Variants in TESMIN observed in about 807,000 individuals in gnomAD.
TESMIN encodes the protein CXC domain containing 2.
TESMIN carries 34 observed loss-of-function variants against 47.4 expected under a neutral mutation model. The ratio of observed to expected loss-of-function variants is 0.72; its 90% CI spans 0.55 to 0.96. The LOEUF (loss-of-function observed/expected upper bound fraction) is 0.96, where lower values mean the gene tolerates loss of function less well. Among genes scored for constraint, TESMIN ranks in the 40% least tolerant of loss-of-function variants. The pLI, the probability that TESMIN is intolerant of heterozygous loss-of-function variation, is 0.00. For synonymous variants in TESMIN, 278 were observed against 258.9 expected, an observed-to-expected ratio of 1.07 and a Z score of -0.71; for missense variants, 610 against 637.2, an observed-to-expected ratio of 0.96 and a Z score of 0.46.
At chr11:68,735,677 G>A (rs879591924) in intron 6 of TESMIN, among the ~76,000 whole-genome samples, 1 of 152,120 alleles carries the variant, frequency 6.6e-6, no homozygotes, top group Non-Finnish European at 1.5e-5. Context: ...GTGCCATATT[G>A]ACTGTAAATG....
intron 7 of TESMIN, among the ~76,000 whole-genome samples, chr11:68,714,994 A>G (rs1322464953): frequency 6.6e-6 from 1 of 152,240 alleles, no homozygotes; most frequent in Non-Finnish European, 1.5e-5. Flanking sequence ...CTTCTGTCCT[A>G]TGGCTCTGGC....
At chr11:68,708,758 CTT>C (rs33995694) in intron 9 of TESMIN, among the ~76,000 whole-genome samples, 2 of 145,898 alleles carry the variant, frequency 1.4e-5, no homozygotes, top group Non-Finnish European at 1.5e-5. Context: ...AAGTGAGACC[CTT>C]TTTTTTTTTT....
At chr11:68,741,707 T>C (rs947047671) in intron 5 of TESMIN, among the ~76,000 whole-genome samples, 1 of 152,208 alleles carries the variant, frequency 6.6e-6, no homozygotes, top group Non-Finnish European at 1.5e-5. Context: ...ATATGGCCTC[T>C]GCCCCTATGG....
At chr11:68,714,745 C>T (rs185464235) in intron 7 of TESMIN, among the ~76,000 whole-genome samples, 1 of 152,352 alleles carries the variant, frequency 6.6e-6, no homozygotes, top group Admixed American at 6.5e-5. Flanking sequence ...TCCCAGTGGA[C>T]ATTGGCGCTT....
Position 68,750,251 on chromosome 11 carries a change from A to ACCG in TESMIN, c.407_409dup (p.Ala136dup). On this transcript the variant is annotated inframe_insertion, in exon 2 of 10. Transcript: ENST00000255087. ...CAGGACCCAGGCGCCCAGGGGCAAC[A>ACCG]CCGCCGGGCTGCGGTGCGCGGGTAG... The ACCG allele has an allele frequency of 6.5e-7, 1 of 1,537,140 alleles. No individual in the cohort carries two copies. The highest frequency in any genetic ancestry group is 8.7e-7 in the Non-Finnish European group (1 of 1,152,104).
chr11:68,741,677 T>C (rs1272509283), intron 5 of TESMIN, among the ~76,000 whole-genome samples: 2 of 152,198 alleles, frequency 1.3e-5, no homozygotes, highest in Non-Finnish European at 2.9e-5. Flanking sequence ...ATTCTCATTT[T>C]ACAGAGATGA....
intron 4 of TESMIN, 59 bp from the exon 5 acceptor site, chr11:68,742,453 C>G: frequency 9.0e-7 from 1 of 1,116,618 alleles, no homozygotes; most frequent in Non-Finnish European, 1.3e-6. Flanking sequence ...TCCACTTACA[C>G]GTGGATGAAA....
rs1479510028 is a variant in TESMIN, at chr11:68,707,954, T to C, written c.*354A>G. 7 of 457,624 alleles carry C rather than the reference T, an allele frequency of 1.5e-5. No homozygotes were observed. Among genetic ancestry groups the C allele is most frequent in the African/African-American group, 1.4e-4 (7 of 50,710 alleles). 28.3% of individuals were successfully genotyped at this position (457,624 alleles called of 1,614,324 possible). ...AGAGGAAGAGTCGACCAGAGTGAGC[T>C]CTCCGCAGGGCCTGCTCTGCCCTCC... On this transcript the variant is annotated 3_prime_UTR_variant, in exon 10 of 10. Coordinates refer to ENST00000255087, the MANE Select transcript of TESMIN (RefSeq NM_004923.3).
intron 7 of TESMIN, among the ~76,000 whole-genome samples, chr11:68,713,811 T>C (rs1225540304): frequency 6.6e-6 from 1 of 152,212 alleles, no homozygotes; most frequent in Non-Finnish European, 1.5e-5. Context: ...ACACACCATG[T>C]GCCAGGCTTC....
chr11:68,731,621 G>T (rs1946328422), intron 6 of TESMIN, among the ~76,000 whole-genome samples: 1 of 152,182 alleles, frequency 6.6e-6, no homozygotes, highest in Non-Finnish European at 1.5e-5. Context: ...AAAGGTAAAA[G>T]AAATGGAAAG....
At chr11:68,744,230 A>C (rs1026610873) in intron 4 of TESMIN, among the ~76,000 whole-genome samples, 6 of 152,218 alleles carry the variant, frequency 3.9e-5, no homozygotes, top group Admixed American at 6.5e-5. Context: ...ATTAGTTTCA[A>C]GTTATAGGCA....
downstream of TESMIN, among the ~76,000 whole-genome samples, chr11:68,706,399 T>A (rs1231515809): frequency 1.3e-5 from 2 of 152,236 alleles, no homozygotes; most frequent in Non-Finnish European, 2.9e-5. Flanking sequence ...CGCAGGCTCC[T>A]GTGCAAAGTG....
At chr11:68,742,178 C>CT in intron 5 of TESMIN, 140 bp downstream of exon 5, 1 of 602,894 alleles carries the variant, frequency 1.7e-6, no homozygotes, top group Non-Finnish European at 2.9e-6. Flanking sequence ...GGGGCAGGGA[C>CT]TGAACACTTG....
intron 9 of TESMIN, 73 bp from the exon 10 acceptor site, chr11:68,708,573 C>G: frequency 7.0e-6 from 9 of 1,277,790 alleles, no homozygotes; most frequent in Non-Finnish European, 8.4e-6. Context: ...TTATATTCAA[C>G]AGAACATTGC....
At chr11:68,734,779 T>C (rs1434068817) in intron 6 of TESMIN, among the ~76,000 whole-genome samples, 1 of 152,224 alleles carries the variant, frequency 6.6e-6, no homozygotes, top group Non-Finnish European at 1.5e-5. Flanking sequence ...GGTTGGTAAC[T>C]AATACAAACG....
intron 5 of TESMIN, among the ~76,000 whole-genome samples, chr11:68,740,257 T>C (rs1463251444): frequency 6.6e-6 from 1 of 152,198 alleles, no homozygotes; most frequent in African/African-American, 2.4e-5. Context: ...TTCTGGTCCA[T>C]GGACCACACT....
At chr11:68,730,304 A>G (rs1188550108) in intron 6 of TESMIN, among the ~76,000 whole-genome samples, 1 of 152,112 alleles carries the variant, frequency 6.6e-6, no homozygotes, top group Non-Finnish European at 1.5e-5. Flanking sequence ...AGTACCTCCA[A>G]CGCAAGCCTG....
At chr11:68,738,179 G>A (rs1449590065) in intron 6 of TESMIN, 2 of 986,350 alleles carry the variant, frequency 2.0e-6, no homozygotes, top group Middle Eastern at 5.2e-4. Context: ...AGCAAGATGA[G>A]GTCCCAGATA....
intron 6 of TESMIN, among the ~76,000 whole-genome samples, chr11:68,716,268 C>T (rs1036541339): frequency 2.0e-5 from 3 of 152,254 alleles, no homozygotes; most frequent in African/African-American, 7.2e-5. Context: ...CCCAGGAGCG[C>T]AATAAGTTTG....
Sources: allele counts gnomAD v4.1 joint callset (sites outside exome capture counted in the v4.1 genomes callset), GRCh38; gene constraint gnomAD v4.1.1; transcripts MANE v1.5; gene names NCBI Gene and HGNC (gene_info 2026-07-23, HGNC 2026-07-21).